TM9SF4: variants seen among roughly 807,000 people sequenced by gnomAD.
TM9SF4 encodes the protein dinucleotide oxidase disulfide thiol exchanger 3 superfamily member 4.
A neutral mutation model predicts 90.4 loss-of-function variants in TM9SF4; 26 were observed. The observed-to-expected ratio is 0.29, with a 90% CI of 0.21 to 0.40. The LOEUF (loss-of-function observed/expected upper bound fraction) is 0.40, where lower values mean the gene tolerates loss of function less well. Among genes scored for constraint, TM9SF4 ranks in the 10% least tolerant of loss-of-function variants. The pLI is 1.00. For synonymous variants in TM9SF4, 293 were observed against 315.4 expected (o/e 0.93, Z 0.75); for missense variants, 549 against 834.8 (o/e 0.66, Z 4.22).
chr20:32,161,384 A>C lies in TM9SF4; in HGVS notation c.1779+19A>C. 1 of 1,608,744 alleles carries C rather than the reference A, an allele frequency of 6.2e-7. No homozygotes were observed. The highest frequency in any genetic ancestry group is 2.2e-5 in the East Asian group (1 of 44,848). On this transcript the variant is annotated intron_variant, in intron 17 of 17. Coordinates refer to ENST00000398022, the MANE Select transcript of TM9SF4 (RefSeq NM_014742.4). ...TAACAAGGTACTGCCCTCCTTGAGG[A>C]GGTCCTCTTAGTCCTCATAGGGTAG...
chr20:32,143,118 G>T lies in TM9SF4; in HGVS notation c.652+13G>T. 1 of 1,612,200 alleles carries T rather than the reference G, an allele frequency of 6.2e-7. No homozygotes were observed. Among genetic ancestry groups the T allele is most frequent in the Non-Finnish European group, 8.5e-7 (1 of 1,178,884 alleles). ...ATCAGGCTGGAGGGTGAGTGGGGAG[G>T]TGTGGCCGGAGGGGCAGGGCTGGAT... On this transcript the variant is annotated intron_variant, in intron 6 of 17. Transcript: ENST00000398022.
chr20:32,115,931 C>T (rs1454483280), intron 1 of TM9SF4, among the ~76,000 whole-genome samples: 1 of 147,696 alleles, frequency 6.8e-6, no homozygotes, highest in African/African-American at 2.5e-5. Context: ...GAGCGATTCT[C>T]CTGCCTCATC....
chr20:32,144,746 C>CA (rs1431000989), intron 6 of TM9SF4, among the ~76,000 whole-genome samples: 3 of 152,004 alleles, frequency 2.0e-5, no homozygotes, highest in Non-Finnish European at 1.5e-5. Flanking sequence ...CTTGTCCCTA[C>CA]AAAAAAATGT....
At chr20:32,157,719 G>T in intron 13 of TM9SF4, 75 bp from the exon 14 acceptor site, 2 of 1,554,966 alleles carry the variant, frequency 1.3e-6, no homozygotes, top group South Asian at 1.2e-5. Context: ...GAGCCCAGAA[G>T]GTCCCCTCCC....
At chr20:32,123,866 A>ATATATATATATTTTTTT in intron 1 of TM9SF4, among the ~76,000 whole-genome samples, 14 of 93,960 alleles carry the variant, frequency 1.5e-4, no homozygotes, top group African/African-American at 5.9e-4. Flanking sequence ...ATATATATAT[A>ATATATATATATTTTTTT]TTTTTTTTTT....
At chr20:32,138,466 A>G (rs1425747839) in intron 3 of TM9SF4, among the ~76,000 whole-genome samples, 1 of 152,194 alleles carries the variant, frequency 6.6e-6, no homozygotes, top group Non-Finnish European at 1.5e-5. Context: ...CAAAATTTAA[A>G]AAAATTTGTA....
Position 32,143,061 on chromosome 20 carries a change from G to A in TM9SF4, c.608G>A (p.Arg203His), listed in dbSNP as rs745653622. ...GAAGAGGACCAGGAGCACACGTACCGTGTCGTCCGCTTCGAGGTGATTCCC... is the reference window on the plus strand; with the variant it reads ...GAAGAGGACCAGGAGCACACGTACCATGTCGTCCGCTTCGAGGTGATTCCC... ...DMEEDQEHTY[R>H]VVRFEVIPQS... The change falls in exon 6 of 18, where the codon CGT (arginine) becomes CAT (histidine). Residue 203 changes from arginine to histidine, a missense_variant. This residue lies in a region of TM9SF4 where 495 missense variants were observed against 711.7 expected (regional missense o/e 0.70). Transcript: ENST00000398022. 14 of 1,613,786 alleles carry A rather than the reference G, an allele frequency of 8.7e-6. No individual in the cohort carries two copies. The highest frequency in any genetic ancestry group is 1.7e-4 in the Middle Eastern group (1 of 6,060).
At chr20:32,142,194 G>A (rs2046691761) in intron 5 of TM9SF4, among the ~76,000 whole-genome samples, 1 of 152,096 alleles carries the variant, frequency 6.6e-6, no homozygotes. Context: ...TCAAGAGCGT[G>A]CAGGCTCCCT....
intron 2 of TM9SF4, among the ~76,000 whole-genome samples, chr20:32,133,725 A>G (rs1193885037): frequency 2.0e-5 from 3 of 152,194 alleles, no homozygotes; most frequent in African/African-American, 7.2e-5. Flanking sequence ...TATTCATTTT[A>G]CAGATGGGGA....
intron 17 of TM9SF4, among the ~76,000 whole-genome samples, chr20:32,163,430 A>C (rs2047056196): frequency 6.6e-6 from 1 of 151,200 alleles, no homozygotes; most frequent in Non-Finnish European, 1.5e-5. Context: ...GCAGCCCTAG[A>C]GTCTACTCTT....
chr20:32,158,583 T>TC, intron 15 of TM9SF4, 69 bp downstream of exon 15: 1 of 1,524,792 alleles, frequency 6.6e-7, no homozygotes, highest in Non-Finnish European at 9.1e-7. Flanking sequence ...ACTCGGGTGC[T>TC]CTGCTGCCTA....
intron 17 of TM9SF4, among the ~76,000 whole-genome samples, chr20:32,162,498 T>C (rs1435000238): frequency 1.3e-5 from 2 of 152,350 alleles, no homozygotes; most frequent in East Asian, 3.9e-4. Flanking sequence ...TTAACATATC[T>C]GTCCATGGCT....
intron 1 of TM9SF4, among the ~76,000 whole-genome samples, chr20:32,119,468 T>G (rs2046274056): frequency 6.6e-6 from 1 of 152,208 alleles, no homozygotes; most frequent in Non-Finnish European, 1.5e-5. Context: ...TATTAGTCAT[T>G]CATATATCTT....
At chr20:32,122,328 A>G (rs2046332015) in intron 1 of TM9SF4, among the ~76,000 whole-genome samples, 1 of 146,400 alleles carries the variant, frequency 6.8e-6, no homozygotes, top group African/African-American at 2.6e-5. Context: ...TCCCTCCCGG[A>G]CGGGGTGGCT....
At position 32,122,149 on chromosome 20, in the gene TM9SF4, CG is replaced by C. The variant is rs1264101075; in HGVS notation, c.16-10856del. ...CTCCCAGACGGGGCAGCTGGCCGGG[CG>C]GGGGGGGTGACCCCCCCACCTCCCT... On this transcript the variant is annotated intron_variant, in intron 1 of 17. Coordinates refer to ENST00000398022, the MANE Select transcript of TM9SF4 (RefSeq NM_014742.4). 1.3e-4 allele frequency among the ~76,000 whole-genome samples: 15 copies of C among 111,530 alleles called. 1 individual carries two copies. The highest frequency in any genetic ancestry group is 4.2e-4 in the African/African-American group (11 of 26,302). 73.2% of individuals were successfully genotyped at this position (111,530 alleles called of 152,430 possible). A position where few individuals can be genotyped will look rare whatever the true frequency, so the allele number is the denominator to read the frequency against.
rs1165240152 is a variant in TM9SF4, at chr20:32,123,866, AT to A, written c.16-9136del. ...CTCTCATATATATATATATATATAT[AT>A]TTTTTTTTTTAAAGAGATAGGGTCT... On this transcript the variant is annotated intron_variant, in intron 1 of 17. Transcript: ENST00000398022. 4.7e-4 allele frequency among the ~76,000 whole-genome samples: 44 copies of A among 93,956 alleles called. 3 individuals carry two copies. The highest frequency in any genetic ancestry group is 9.1e-4 in the African/African-American group (20 of 21,986). 61.6% of individuals were successfully genotyped at this position (93,956 alleles called of 152,430 possible). A position where few individuals can be genotyped will look rare whatever the true frequency, so the allele number is the denominator to read the frequency against.
chr20:32,165,708 G>A lies in TM9SF4; in HGVS notation c.*264G>A, dbSNP rs191292524. 3.1e-3 allele frequency: 1,436 copies of A among 462,760 alleles called. 5 individuals are homozygous for A. Among genetic ancestry groups the A allele is most frequent in the Non-Finnish European group, 4.9e-3 (1,240 of 253,808 alleles). 28.7% of individuals were successfully genotyped at this position (462,760 alleles called of 1,614,324 possible). ...AGTGCTAAGAAAGTTCCCTCCAACA[G>A]GAACTCTCTGACCTGTTTATTCAGG... On this transcript the variant is annotated 3_prime_UTR_variant, in exon 18 of 18. Transcript: ENST00000398022.
At chr20:32,123,866 A>ATATATATTTTTTTTTT in intron 1 of TM9SF4, among the ~76,000 whole-genome samples, 11 of 93,962 alleles carry the variant, frequency 1.2e-4, no homozygotes, top group East Asian at 7.4e-4. Context: ...ATATATATAT[A>ATATATATTTTTTTTTT]TTTTTTTTTT....
At chr20:32,158,968 A>G (rs1469221172) in intron 15 of TM9SF4, among the ~76,000 whole-genome samples, 1 of 144,678 alleles carries the variant, frequency 6.9e-6, no homozygotes, top group Non-Finnish European at 1.5e-5. Flanking sequence ...GGTGACAGAG[A>G]GAGACTCCAT....
Sources: gnomAD v4.1 joint callset for allele counts (sites outside exome capture counted in the v4.1 genomes callset) on GRCh38, gnomAD v4.1.1 for gene constraint, gnomAD v4.1.1 regional missense constraint, MANE v1.5 for transcripts, NCBI Gene and HGNC (gene_info 2026-07-23, HGNC 2026-07-21) for gene names.